Variants in HECTD4 observed in about 807,000 individuals in gnomAD.
HECTD4 encodes HECT domain E3 ubiquitin protein ligase 4, also known as probable E3 ubiquitin-protein ligase HECTD4.
In HECTD4, 114 loss-of-function variants were observed where a neutral mutation model predicts 471.5. That is an observed-to-expected ratio of 0.24 (90% CI 0.21 to 0.28). The LOEUF is 0.28. Ranked by LOEUF, HECTD4 falls within the 10% of genes least tolerant of loss-of-function variation. HECTD4 has a pLI of 1.00. For missense variants in HECTD4, 3,866 were observed against 5,651.5 expected, an observed-to-expected ratio of 0.68 and a Z score of 10.13; for synonymous variants, 2,012 against 2,256.0, an observed-to-expected ratio of 0.89 and a Z score of 3.07.
chr12:112,264,034 GC>G, intron 17 of HECTD4, 49 bp downstream of exon 17: 1 of 1,495,642 alleles, frequency 6.7e-7, no homozygotes, highest in Non-Finnish European at 9.0e-7. Context: ...CAATTAAGCT[GC>G]TTTTCACACT....
At chr12:112,367,306 AAAAGAAAGAAAGAAAG>A (rs3031822) in intron 1 of HECTD4, among the ~76,000 whole-genome samples, 1,840 of 133,900 alleles carry the variant, frequency 0.014, 24 homozygotes, top group East Asian at 0.05. Flanking sequence ...CTCAAAAAAA[AAAAGAAAGAAAGAAAG>A]AAAGAAAGAA....
rs181814353 is a variant in HECTD4 at position 112,193,978 on chromosome 12, A to G, written c.8750-304T>C. Among the ~76,000 whole-genome samples the G allele has an allele frequency of 1.0e-3, 155 of 152,330 alleles. No homozygotes were observed. The highest frequency in any genetic ancestry group is 3.5e-3 in the African/African-American group (146 of 41,578). ...ATATCAAATGGGGCTGCTTGGATCC[A>G]GGGGTTCCCAGAGCCTGACCTGTCT... On this transcript the variant is annotated intron_variant, in intron 56 of 75. Transcript: ENST00000682272. This position sits in a 1 kb window ranked among gnomAD's most constrained non-coding sequence, Gnocchi z 5.2.
At chr12:112,320,045 A>T (rs2035552819) in intron 1 of HECTD4, among the ~76,000 whole-genome samples, 1 of 152,214 alleles carries the variant, frequency 6.6e-6, no homozygotes, top group African/African-American at 2.4e-5. Context: ...TAGAAAATTG[A>T]AGTATAAAGC....
At chr12:112,324,987 T>C (rs1333566073) in intron 1 of HECTD4, among the ~76,000 whole-genome samples, 1 of 152,192 alleles carries the variant, frequency 6.6e-6, no homozygotes, top group Non-Finnish European at 1.5e-5. Flanking sequence ...AAATTCAATA[T>C]AGTCTTTTAT....
At chr12:112,325,398 C>T (rs1430678125) in intron 1 of HECTD4, among the ~76,000 whole-genome samples, 1 of 152,148 alleles carries the variant, frequency 6.6e-6, no homozygotes, top group Non-Finnish European at 1.5e-5. Flanking sequence ...ATTTCAGGGG[C>T]CCCTTATGAA....
intron 66 of HECTD4, among the ~76,000 whole-genome samples, chr12:112,174,776 C>G (rs536879727): frequency 6.6e-6 from 1 of 151,802 alleles, no homozygotes; most frequent in African/African-American, 2.4e-5. Flanking sequence ...ATTGGCCAGG[C>G]TGGTCTCAAG....
At chr12:112,204,383 G>T in intron 53 of HECTD4, 103 bp downstream of exon 53, 1 of 1,127,988 alleles carries the variant, frequency 8.9e-7, no homozygotes, top group Non-Finnish European at 1.3e-6. Flanking sequence ...GGAGTAAGGA[G>T]AGTCACCCTA....
At chr12:112,331,330 CA>C in intron 1 of HECTD4, among the ~76,000 whole-genome samples, 1 of 152,298 alleles carries the variant, frequency 6.6e-6, no homozygotes, top group East Asian at 1.9e-4. Context: ...CTCGGCCTCC[CA>C]AAGTGCTGGG....
chr12:112,301,158 T>C (rs1381389583), intron 7 of HECTD4, among the ~76,000 whole-genome samples: 1 of 151,232 alleles, frequency 6.6e-6, no homozygotes, highest in Admixed American at 6.6e-5. Flanking sequence ...AGTGCTGGGA[T>C]TACAGGCATG....
intron 7 of HECTD4, among the ~76,000 whole-genome samples, chr12:112,290,860 A>AC (rs1277578936): frequency 2.8e-5 from 4 of 144,672 alleles, no homozygotes; most frequent in African/African-American, 1.1e-4. Context: ...AAAAAAAACA[A>AC]AACAAAAAAA....
chr12:112,308,718 AAT>A, intron 6 of HECTD4, 33 bp downstream of exon 6: 1 of 1,512,488 alleles, frequency 6.6e-7, no homozygotes, highest in African/African-American at 1.4e-5. Flanking sequence ...TTGCCTCTAA[AAT>A]ATGTTTTAAA....
chr12:112,241,310 C>T (rs1194645241), intron 32 of HECTD4, among the ~76,000 whole-genome samples: 2 of 152,096 alleles, frequency 1.3e-5, no homozygotes, highest in Admixed American at 6.5e-5. Context: ...TCTTTCTGGG[C>T]ACCCTGTGGT....
rs1370020392 is a variant in HECTD4, at chr12:112,163,714, G to A, written c.12725C>T (p.Ala4242Val). Reference sequence around the variant, plus strand: ...CAGCCGCAGGCTCCGGATGGCTGCCGCGTAGATGTCCTTGTTCTCCCACCT... The same window carrying A: ...CAGCCGCAGGCTCCGGATGGCTGCCACGTAGATGTCCTTGTTCTCCCACCT... ...LVAWENKDIYAAAIRSLRLRE... is the reference protein window; with the variant it reads ...LVAWENKDIYVAAIRSLRLRE... The change falls in exon 74 of 76, where the codon GCG (alanine) becomes GTG (valine). Residue 4242 changes from alanine to valine, a missense_variant. Transcript: ENST00000682272. This position sits in a 1 kb window ranked among gnomAD's most constrained non-coding sequence, Gnocchi z 8.2. 6.0e-6 allele frequency: 9 copies of A among 1,490,618 alleles called. No individual in the cohort carries two copies. The highest frequency in any genetic ancestry group is 2.5e-5 in the East Asian group (1 of 39,514). The allele number at this position is 1,490,618 out of a possible 1,614,324, so 92.3% of individuals were successfully genotyped here. A position where few individuals can be genotyped will look rare whatever the true frequency, so the allele number is the denominator to read the frequency against.
chr12:112,287,565 C>T (rs2034778979), intron 7 of HECTD4, among the ~76,000 whole-genome samples: 1 of 151,938 alleles, frequency 6.6e-6, no homozygotes. Flanking sequence ...CACATGGGGG[C>T]AGAAGACCTC....
At chr12:112,266,119 G>A (rs2034266825) in intron 14 of HECTD4, 136 bp from the exon 15 acceptor site, 3 of 618,854 alleles carry the variant, frequency 4.8e-6, no homozygotes, top group South Asian at 4.2e-5. Flanking sequence ...ACAAATAAGA[G>A]TGGCAAAAAC....
chr12:112,287,488 C>A (rs144927576), intron 7 of HECTD4, among the ~76,000 whole-genome samples: 1 of 152,106 alleles, frequency 6.6e-6, no homozygotes, highest in East Asian at 1.9e-4. Context: ...TAGGAAGTAA[C>A]ATAAGGAGAG....
chr12:112,358,141 T>C (rs2036379307), intron 1 of HECTD4, among the ~76,000 whole-genome samples: 1 of 152,116 alleles, frequency 6.6e-6, no homozygotes, highest in South Asian at 2.1e-4. Flanking sequence ...GAGGCGTAGG[T>C]TGCAATGAGC....
rs1283230663 is a variant in HECTD4 at position 112,192,620 on chromosome 12, G to C, written c.9232C>G (p.Pro3078Ala). Residue 3078 changes from proline to alanine, a missense_variant, in exon 59 of 76, where the codon CCC becomes GCC. Transcript: ENST00000682272. ...SPANTGLAPP[P>A]TADQYPSVVL... ...ACAGAGGGGTACTGGTCAGCGGTGG[G>C]GGGAGGTGCAAGCCCAGTGTTGGCT... 6.2e-7 allele frequency: 1 copy of C among 1,609,894 alleles called. No individual in the cohort carries two copies.
Position 112,190,905 on chromosome 12 carries a change from A to T in HECTD4, c.9353T>A (p.Leu3118Gln). ...VLHSLPLEFPLAMAFAEQLLS... is the reference protein window; with the variant it reads ...VLHSLPLEFPQAMAFAEQLLS... Reference sequence around the variant, plus strand: ...CAGCTGCTCTGCGAAGGCCATAGCCAGTGGGAACTCCAGGGGCAGGGAATG... The same window carrying T: ...CAGCTGCTCTGCGAAGGCCATAGCCTGTGGGAACTCCAGGGGCAGGGAATG... The change falls in exon 60 of 76, where the codon CTG becomes CAG. Residue 3118 changes from leucine to glutamine, a missense_variant. Around this residue, in one of 16 missense-constraint regions of HECTD4, gnomAD observed 364 missense variants for 413.2 expected, o/e 0.88. Coordinates refer to ENST00000682272, the MANE Select transcript of HECTD4 (RefSeq NM_001388303.1). 6.4e-7 allele frequency: 1 copy of T among 1,572,606 alleles called. No individual in the cohort carries two copies. Among genetic ancestry groups the T allele is most frequent in the Non-Finnish European group, 8.6e-7 (1 of 1,159,044 alleles).
Sources: allele counts gnomAD v4.1 joint callset (sites outside exome capture counted in the v4.1 genomes callset), GRCh38; gene constraint gnomAD v4.1.1; regional missense constraint gnomAD v4.1.1; non-coding constraint Gnocchi (gnomAD v3.1); transcripts MANE v1.5; gene names NCBI Gene and HGNC (gene_info 2026-07-23, HGNC 2026-07-21).